The following EPHA4 variants were observed in gnomAD, a reference collection of about 807,000 sequenced individuals.
The protein encoded by EPHA4 is ephrin type-A receptor 4.
A neutral mutation model predicts 108.3 loss-of-function variants in EPHA4; 19 were observed. The ratio of observed to expected loss-of-function variants is 0.18; its 90% CI spans 0.12 to 0.26. The LOEUF is 0.26. EPHA4 is among the 10% of genes least tolerant of loss of function. The pLI is 1.00. For missense variants in EPHA4, 917 were observed against 1,254.0 expected (o/e 0.73, Z 4.06); for synonymous variants, 449 against 455.5 (o/e 0.99, Z 0.18).
In EPHA4 at chr2:221,563,885, C is replaced by A. The variant is rs760702617; in HGVS notation, c.669G>T (p.Thr223=). The change falls in exon 3 of 18, where the codon ACG becomes ACT. Residue 223 remains threonine, a synonymous_variant. Coordinates refer to ENST00000281821, the MANE Select transcript of EPHA4 (RefSeq NM_004438.5). The part of the protein sequence containing the change: ...QFPDTITGAD[T]SSLVEVRGSC... ...AGCCTCGAACTTCCACCAGGGAAGA[C>A]GTATCAGCCCCTGTGATGGTGTCAG... The A allele has an allele frequency of 1.9e-6, 3 of 1,614,210 alleles. No homozygotes were observed. The Admixed American group carries it at 5.0e-5, about 27-fold the overall frequency.
Position 221,442,917 on chromosome 2 carries a change from T to C in EPHA4, c.1986A>G (p.Lys662=), listed in dbSNP as rs1213242342. The C allele has an allele frequency of 1.2e-6, 2 of 1,614,146 alleles. No individual in the cohort carries two copies. Among genetic ancestry groups the C allele is most frequent in the South Asian group, 2.2e-5 (2 of 91,078 alleles). ...CCTCACTCAGGAAGTCTCTCCTCTGTTTGTCTGTATAACCAGCTTTCAGAG... is the reference window on the plus strand; with the variant it reads ...CCTCACTCAGGAAGTCTCTCCTCTGCTTGTCTGTATAACCAGCTTTCAGAG... ...IKTLKAGYTD[K]QRRDFLSEAS... Residue 662 remains lysine (K), a synonymous_variant, in exon 11 of 18, where the codon AAA becomes AAG. Coordinates refer to ENST00000281821, the MANE Select transcript of EPHA4 (RefSeq NM_004438.5).
intron 4 of EPHA4, among the ~76,000 whole-genome samples, chr2:221,494,347 T>TAATCCC (rs1184618768): frequency 2.6e-5 from 4 of 152,216 alleles, no homozygotes; most frequent in Admixed American, 6.5e-5. Context: ...CTCACGCCTG[T>TAATCCC]AATCCCAGCA....
chr2:221,513,762 A>T (rs893264226), intron 3 of EPHA4, among the ~76,000 whole-genome samples: 1 of 152,204 alleles, frequency 6.6e-6, no homozygotes, highest in African/African-American at 2.4e-5. Context: ...TTGGTATTGC[A>T]TGTAGTGGAC....
Position 221,443,665 on chromosome 2 carries a change from A to G in EPHA4, c.1775-59T>C, listed in dbSNP as rs1690501909. ...TTCTAAGGAACCACTAATAAACATA[A>G]ATAGTCTGGGTCTAAAATTACCAAA... On this transcript the variant is annotated intron_variant, in intron 9 of 17. Coordinates refer to ENST00000281821, the MANE Select transcript of EPHA4 (RefSeq NM_004438.5). The G allele has an allele frequency of 2.4e-6, 3 of 1,252,350 alleles. No individual in the cohort carries two copies. The South Asian group carries it at 3.8e-5, about 16-fold the overall frequency. 77.6% of individuals were successfully genotyped at this position (1,252,350 alleles called of 1,614,324 possible). A position where few individuals can be genotyped will look rare whatever the true frequency, so the allele number is the denominator to read the frequency against.
intron 4 of EPHA4, among the ~76,000 whole-genome samples, chr2:221,493,534 G>C (rs1266916966): frequency 6.6e-6 from 1 of 152,156 alleles, no homozygotes; most frequent in Admixed American, 6.5e-5. Flanking sequence ...ATTTTAATTT[G>C]CATTCAAATT....
upstream of EPHA4, chr2:221,573,789 G>T (rs369789669): frequency 9.2e-5 from 14 of 152,404 alleles, no homozygotes; most frequent in South Asian, 2.9e-3. The surrounding 1 kb of genome is among the most constrained non-coding windows in gnomAD (Gnocchi z 4.5). Flanking sequence ...GAGAGGTGGT[G>T]CGTGCGTTTG....
intron 3 of EPHA4, among the ~76,000 whole-genome samples, chr2:221,519,568 A>C (rs187012677): frequency 2.0e-5 from 3 of 152,346 alleles, no homozygotes; most frequent in East Asian, 3.9e-4. Context: ...TGCTCCAGTT[A>C]TTAGGTTGGT....
intron 5 of EPHA4, among the ~76,000 whole-genome samples, chr2:221,460,224 C>T (rs1691096155): frequency 6.6e-6 from 1 of 152,096 alleles, no homozygotes; most frequent in African/African-American, 2.4e-5. Context: ...TGTACCTTGA[C>T]ACAGCTGTCA....
At chr2:221,461,972 T>C (rs1176007524) in intron 5 of EPHA4, among the ~76,000 whole-genome samples, 1 of 141,228 alleles carries the variant, frequency 7.1e-6, no homozygotes, top group East Asian at 2.2e-4. Context: ...GCTGGGGGGC[T>C]GATGAACACA....
intron 3 of EPHA4, among the ~76,000 whole-genome samples, chr2:221,535,963 A>T (rs1171036274): frequency 3.3e-5 from 5 of 152,170 alleles, no homozygotes. Context: ...CTACCTACCC[A>T]GTCTCTTCAA....
At chr2:221,539,246 G>T (rs923987164) in intron 3 of EPHA4, among the ~76,000 whole-genome samples, 20 of 152,162 alleles carry the variant, frequency 1.3e-4, no homozygotes, top group Admixed American at 1.2e-3. Flanking sequence ...TGATGTTGTA[G>T]GAACTATTAC....
At chr2:221,550,690 G>A (rs1694133591) in intron 3 of EPHA4, among the ~76,000 whole-genome samples, 2 of 152,198 alleles carry the variant, frequency 1.3e-5, no homozygotes. Flanking sequence ...TGGCAGAGCT[G>A]AGATTAAAAT....
In EPHA4 at chr2:221,563,620, C is replaced by T. The variant is rs563184136; in HGVS notation, c.823+111G>A. On this transcript the variant is annotated intron_variant, in intron 3 of 17. Transcript: ENST00000281821. ...TTACTCATTAGACCCCTGTGTCCCACCACATCCCACAGGGGCTACTAATTA... is the reference window on the plus strand; with the variant it reads ...TTACTCATTAGACCCCTGTGTCCCATCACATCCCACAGGGGCTACTAATTA... 12 of 1,307,982 alleles carry T rather than the reference C, an allele frequency of 9.2e-6. No individual in the cohort carries two copies. In the African/African-American group the frequency reaches 1.5e-4, roughly 16 times the overall value. 81.0% of individuals were successfully genotyped at this position (1,307,982 alleles called of 1,614,324 possible). A position where few individuals can be genotyped will look rare whatever the true frequency, so the allele number is the denominator to read the frequency against.
rs781417898 is a variant in EPHA4 at position 221,434,182 on chromosome 2, G to A, written c.2456C>T (p.Ser819Leu). ...SYGIVMWEVM[S>L]YGERPYWDMS... ...ATCCCAATAGGGCCTCTCCCCGTAC[G>A]ACATCACTTCCCACATAACGATTCC... The change falls in exon 14 of 18, where the codon TCG (serine) becomes TTG (leucine). Residue 819 changes from serine to leucine, a missense_variant. Transcript: ENST00000281821. 8.1e-6 allele frequency: 13 copies of A among 1,613,976 alleles called. No individual in the cohort carries two copies. The highest frequency in any genetic ancestry group is 5.5e-5 in the South Asian group (5 of 91,066).
intron 3 of EPHA4, among the ~76,000 whole-genome samples, chr2:221,501,727 A>G (rs1692494248): frequency 6.6e-6 from 1 of 152,172 alleles, no homozygotes; most frequent in Admixed American, 6.5e-5. Context: ...TGCTGACAAA[A>G]AAACCGGGTG....
chr2:221,535,134 G>C, intron 3 of EPHA4, among the ~76,000 whole-genome samples: 1 of 152,150 alleles, frequency 6.6e-6, no homozygotes, highest in East Asian at 1.9e-4. Context: ...TTTCAACTGG[G>C]TGTCATCCAG....
At chr2:221,529,374 C>T (rs1693435368) in intron 3 of EPHA4, among the ~76,000 whole-genome samples, 2 of 152,150 alleles carry the variant, frequency 1.3e-5, no homozygotes, top group Admixed American at 6.6e-5. Flanking sequence ...TAGACAGCTT[C>T]CTCTCTCCAC....
intron 2 of EPHA4, among the ~76,000 whole-genome samples, chr2:221,565,913 C>CA (rs1694615315): frequency 6.6e-6 from 1 of 152,184 alleles, no homozygotes; most frequent in East Asian, 1.9e-4. Context: ...TAGGGTATCT[C>CA]TACAGAGTTC....
rs142594848 is a variant in EPHA4 at position 221,418,567 on chromosome 2, C to T, written c.*2805G>A. 6.5e-6 allele frequency: 1 copy of T among 152,760 alleles called. No homozygotes were observed. Among genetic ancestry groups the T allele is most frequent in the East Asian group, 1.9e-4 (1 of 5,188 alleles). The allele number at this position is 152,760 out of a possible 1,614,324, so 9.5% of individuals were successfully genotyped here. ...AATACAAGAGGTCTCAGAATGCACACACCAGCAGTGTAGCGAGCACAACCT... is the reference window on the plus strand; with the variant it reads ...AATACAAGAGGTCTCAGAATGCACATACCAGCAGTGTAGCGAGCACAACCT... On this transcript the variant is annotated 3_prime_UTR_variant, in exon 18 of 18. Transcript: ENST00000281821.
Sources: gnomAD v4.1 joint callset for allele counts (sites outside exome capture counted in the v4.1 genomes callset) on GRCh38, gnomAD v4.1.1 for gene constraint, Gnocchi (gnomAD v3.1) non-coding constraint, MANE v1.5 for transcripts, NCBI Gene and HGNC (gene_info 2026-07-23, HGNC 2026-07-21) for gene names.